Variants in GPSM1 observed in about 807,000 individuals in gnomAD.
The protein encoded by GPSM1 is G protein signaling modulator 1.
In GPSM1, 48 loss-of-function variants were observed where a neutral mutation model predicts 70.5. The observed-to-expected ratio is 0.68, with a 90% CI of 0.54 to 0.87. The LOEUF (loss-of-function observed/expected upper bound fraction) is 0.87, where lower values mean the gene tolerates loss of function less well. GPSM1 is among the 40% of genes least tolerant of loss of function. GPSM1 has a pLI of 0.00. For synonymous variants in GPSM1, 416 were observed against 430.1 expected (o/e 0.97, Z 0.41); for missense variants, 981 against 972.6 (o/e 1.01, Z -0.11).
In GPSM1 at chr9:136,337,920, C is replaced by G; in HGVS notation, c.777C>G (p.His259Gln). The G allele has an allele frequency of 1.2e-6, 2 of 1,612,422 alleles. No homozygotes were observed. Among genetic ancestry groups the G allele is most frequent in the Non-Finnish European group, 1.7e-6 (2 of 1,179,632 alleles). ...CCTACAGCAACCTGGGGAACGCCCA[C>G]GTCTTCCTGGGGCGCTTTGACGTGG... is the stretch of plus-strand genomic sequence containing the variant. ...RRAYSNLGNA[H>Q]VFLGRFDVAA... Residue 259 changes from histidine (H) to glutamine (Q), a missense_variant, in exon 6 of 14, where the codon CAC becomes CAG. Transcript: ENST00000440944.
intron 11 of GPSM1, chr9:136,353,080 T>C (rs557728012): frequency 2.0e-6 from 2 of 985,254 alleles, no homozygotes; most frequent in Non-Finnish European, 2.4e-6. Flanking sequence ...CTGGGCACCT[T>C]GTGTCCTGCC....
chr9:136,338,099 G>A, intron 6 of GPSM1, 138 bp downstream of exon 6: 1 of 633,122 alleles, frequency 1.6e-6, no homozygotes, highest in Non-Finnish European at 2.8e-6. Context: ...GTTCTAGGCT[G>A]CCCCGGGAAG....
intron 9 of GPSM1, among the ~76,000 whole-genome samples, chr9:136,344,482 C>T (rs1301071880): frequency 6.6e-6 from 1 of 152,152 alleles, no homozygotes; most frequent in Non-Finnish European, 1.5e-5. Flanking sequence ...TTGTTGTGTC[C>T]TCACCTAGCA....
chr9:136,346,403 G>C (rs897931528), intron 9 of GPSM1, among the ~76,000 whole-genome samples: 2 of 152,174 alleles, frequency 1.3e-5, no homozygotes, highest in Non-Finnish European at 1.5e-5. Flanking sequence ...CCATTTAAAC[G>C]GGTCACATGG....
intron 3 of GPSM1, among the ~76,000 whole-genome samples, chr9:136,336,387 A>C: frequency 6.7e-6 from 1 of 149,880 alleles, no homozygotes; most frequent in African/African-American, 2.5e-5. Flanking sequence ...CCAGTCACTC[A>C]CTCCCTGGGG....
chr9:136,340,448 C>A lies in GPSM1; in HGVS notation c.1084-422C>A, dbSNP rs1449761274. Among the ~76,000 whole-genome samples, 4 of 151,960 alleles carry A rather than the reference C, an allele frequency of 2.6e-5. No individual in the cohort carries two copies. Among genetic ancestry groups the A allele is most frequent in the Non-Finnish European group, 4.4e-5 (3 of 67,976 alleles). On this transcript the variant is annotated intron_variant, in intron 8 of 13. Transcript: ENST00000440944. This position sits in a 1 kb window ranked among gnomAD's most constrained non-coding sequence, Gnocchi z 7.3. ...ATGTGGCCCTCCCCCCAACCCCATG[C>A]CACCTCTCTTCTGCTTGACTTAAGC...
chr9:136,358,835 G>C lies in GPSM1; in HGVS notation c.*615G>C, dbSNP rs1016147952. 6.4e-6 allele frequency: 1 copy of C among 155,484 alleles called. No individual in the cohort carries two copies. Among genetic ancestry groups the C allele is most frequent in the African/African-American group, 2.4e-5 (1 of 41,484 alleles). The allele number at this position is 155,484 out of a possible 1,614,324, so 9.6% of individuals were successfully genotyped here. ...TGAGGTGCCCCCCGCCGAGTCCCAG[G>C]GCCCTGCAGGGGCCTCGACAGGAGC... On this transcript the variant is annotated 3_prime_UTR_variant, in exon 14 of 14. Coordinates refer to ENST00000440944, the MANE Select transcript of GPSM1 (RefSeq NM_001145638.3).
In GPSM1 at chr9:136,346,633, C is replaced by A. The variant is rs372367412; in HGVS notation, c.1208-2064C>A. ...GGCACAATGCTCAGACAGCAGCCCCCCAGCAAGACCCAGGCCTGTTCTCAT... is the reference window on the plus strand; with the variant it reads ...GGCACAATGCTCAGACAGCAGCCCCACAGCAAGACCCAGGCCTGTTCTCAT... On this transcript the variant is annotated intron_variant, in intron 9 of 13. Transcript: ENST00000440944. 4.5e-4 allele frequency among the ~76,000 whole-genome samples: 68 copies of A among 152,308 alleles called. 2 individuals are homozygous for A. In the East Asian group the frequency reaches 9.1e-3, roughly 20 times the overall value.
At position 136,355,872 on chromosome 9, in the gene GPSM1, T is replaced by A. The variant is rs201062673; in HGVS notation, c.1612+26T>A. The stretch of plus-strand genomic sequence containing the variant: ...GTGAGTGCCCCCCTCAGCCGGGCCC[T>A]CCCTTGGGCTTGTCTGCAGGGGCCA... On this transcript the variant is annotated intron_variant, in intron 12 of 13. Coordinates refer to ENST00000440944, the MANE Select transcript of GPSM1 (RefSeq NM_001145638.3). 76 of 1,566,428 alleles carry A rather than the reference T, an allele frequency of 4.9e-5. No individual in the cohort carries two copies. The African/African-American group carries it at 1.0e-3, about 21-fold the overall frequency.
In GPSM1 at chr9:136,352,077, CACCAAT is replaced by C. The variant is rs1408812614; in HGVS notation, c.1455+2317_1455+2322del. Among the ~76,000 whole-genome samples, 193 of 146,520 alleles carry C rather than the reference CACCAAT, an allele frequency of 1.3e-3. 2 individuals are homozygous for C. The highest frequency in any genetic ancestry group is 2.0e-3 in the Non-Finnish European group (133 of 67,026). ...AATACTGCGCCGTTGCTGTTGGTGA[CACCAAT>C]ACTGCGCCGTTGCTGTTGGTGACAC... On this transcript the variant is annotated intron_variant, in intron 11 of 13. Coordinates refer to ENST00000440944, the MANE Select transcript of GPSM1 (RefSeq NM_001145638.3).
chr9:136,334,939 G>T (rs1832196870), intron 2 of GPSM1, among the ~76,000 whole-genome samples: 1 of 152,196 alleles, frequency 6.6e-6, no homozygotes, highest in African/African-American at 2.4e-5. Flanking sequence ...ACAGTTTGAG[G>T]AGGGGGACAG....
intron 7 of GPSM1, among the ~76,000 whole-genome samples, chr9:136,339,335 G>A (rs1449731483): frequency 5.9e-5 from 9 of 152,272 alleles, no homozygotes; most frequent in African/African-American, 2.2e-4. Flanking sequence ...CTTGGAGGGT[G>A]CCCGTAAGGG....
Position 136,357,867 on chromosome 9 carries a change from C to T in GPSM1, c.1822-147C>T, listed in dbSNP as rs537215998. 373 of 622,782 alleles carry T rather than the reference C, an allele frequency of 6.0e-4. 1 individual carries two copies. The East Asian group carries it at 8.9e-3, about 15-fold the overall frequency. 38.6% of individuals were successfully genotyped at this position (622,782 alleles called of 1,614,324 possible). ...GGGCTCCCAGCACAAGACCCCAGAG[C>T]GAGGCAGGCCCCAGAACCAATTTCC... is the stretch of plus-strand genomic sequence containing the variant. On this transcript the variant is annotated intron_variant, in intron 13 of 13. Transcript: ENST00000440944.
chr9:136,344,178 G>A (rs1209114023), intron 9 of GPSM1, among the ~76,000 whole-genome samples: 4 of 144,036 alleles, frequency 2.8e-5, no homozygotes, highest in East Asian at 2.1e-4. Context: ...GGGGAGGCGC[G>A]GACAGGAGCG....
At chr9:136,349,849 A>G (rs1832615874) in intron 11 of GPSM1, 86 bp downstream of exon 11, 2 of 1,334,082 alleles carry the variant, frequency 1.5e-6, no homozygotes, top group Admixed American at 4.6e-5. Flanking sequence ...CAACGGGGCC[A>G]GGTCAGGCCC....
At position 136,337,635 on chromosome 9, in the gene GPSM1, C is replaced by T. The variant is rs936804572; in HGVS notation, c.702+71C>T. 5.2e-5 allele frequency: 75 copies of T among 1,447,704 alleles called. 1 individual carries two copies. The highest frequency in any genetic ancestry group is 1.8e-4 in the Middle Eastern group (1 of 5,514). 89.7% of individuals were successfully genotyped at this position (1,447,704 alleles called of 1,614,324 possible). ...GGGCAGGGCTGAGCCACCCTCTTGGCGGTCCCTGAAAGGGCAGGGTGGTAT... is the reference window on the plus strand; with the variant it reads ...GGGCAGGGCTGAGCCACCCTCTTGGTGGTCCCTGAAAGGGCAGGGTGGTAT... On this transcript the variant is annotated intron_variant, in intron 5 of 13. Transcript: ENST00000440944.
At chr9:136,335,899 G>A (rs948528424) in intron 2 of GPSM1, 67 bp from the exon 3 acceptor site, 2 of 1,532,414 alleles carry the variant, frequency 1.3e-6, no homozygotes, top group Admixed American at 1.8e-5. Context: ...CCCATGCTCA[G>A]CCTCCCCCCG....
chr9:136,347,717 C>T (rs781852368), intron 9 of GPSM1, among the ~76,000 whole-genome samples: 5 of 135,584 alleles, frequency 3.7e-5, no homozygotes, highest in South Asian at 2.3e-4. Context: ...CCCCACTTCC[C>T]GGATTCCATC....
intron 11 of GPSM1, 35 bp downstream of exon 11, chr9:136,349,798 G>A (rs1396711163): frequency 2.0e-6 from 3 of 1,524,854 alleles, no homozygotes; most frequent in East Asian, 4.8e-5. Flanking sequence ...AGGCCGAGAG[G>A]GAGGAGAGCT....
Sources: gnomAD v4.1 joint callset for allele counts (sites outside exome capture counted in the v4.1 genomes callset) on GRCh38, gnomAD v4.1.1 for gene constraint, Gnocchi (gnomAD v3.1) non-coding constraint, MANE v1.5 for transcripts, NCBI Gene and HGNC (gene_info 2026-07-23, HGNC 2026-07-21) for gene names.